Variants in WSB1 observed in about 807,000 individuals in gnomAD.
WSB1 encodes WD repeat and SOCS box-containing protein 1.
WSB1 carries 23 observed loss-of-function variants against 50.2 expected under a neutral mutation model. That is an observed-to-expected ratio of 0.46 (90% CI 0.33 to 0.65). The LOEUF (loss-of-function observed/expected upper bound fraction) is 0.65. Among genes scored for constraint, WSB1 ranks in the 30% least tolerant of loss-of-function variants. The pLI, the probability that WSB1 is intolerant of heterozygous loss-of-function variation, is 0.02. For synonymous variants in WSB1, 179 were observed against 172.0 expected (o/e 1.04, Z -0.32); for missense variants, 492 against 522.3 (o/e 0.94, Z 0.56).
Position 27,303,467 on chromosome 17 carries a change from A to G in WSB1, c.310A>G (p.Ile104Val), listed in dbSNP as rs757605144. Residue 104 changes from isoleucine to valine, a missense_variant, in exon 3 of 9, where the codon ATA (isoleucine) becomes GTA (valine). Coordinates refer to ENST00000262394, the MANE Select transcript of WSB1 (RefSeq NM_015626.10). The stretch of plus-strand genomic sequence containing the variant: ...GAAAAATAAGCCTCGTGAACATATT[A>G]TAGACTGTGGAGATATAGTCTGGAG... ...GQKNKPREHIIDCGDIVWSLA... is the reference protein window; with the variant it reads ...GQKNKPREHIVDCGDIVWSLA... The G allele has an allele frequency of 6.2e-7, 1 of 1,614,182 alleles. No homozygotes were observed. The highest frequency in any genetic ancestry group is 8.5e-7 in the Non-Finnish European group (1 of 1,180,018).
chr17:27,297,840 G>T (rs1393763149), intron 1 of WSB1, among the ~76,000 whole-genome samples: 1 of 152,028 alleles, frequency 6.6e-6, no homozygotes, highest in Non-Finnish European at 1.5e-5. Flanking sequence ...GGGCACGGTG[G>T]CTCATGCGTG....
intron 1 of WSB1, among the ~76,000 whole-genome samples, chr17:27,295,381 G>C (rs144786856): frequency 3.3e-5 from 5 of 152,190 alleles, no homozygotes; most frequent in African/African-American, 9.7e-5. Flanking sequence ...TATTTCTAGA[G>C]AAGGGAAGAG....
At position 27,314,971 on chromosome 17, in the gene WSB1, C is replaced by G. The variant is rs990441045; in HGVS notation, c.*2602C>G. The G allele has an allele frequency of 6.6e-6, 1 of 152,194 alleles. No homozygotes were observed. Among genetic ancestry groups the G allele is most frequent in the Admixed American group, 6.5e-5 (1 of 15,270 alleles). The allele number at this position is 152,194 out of a possible 1,614,324, so 9.4% of individuals were successfully genotyped here. On this transcript the variant is annotated 3_prime_UTR_variant, in exon 9 of 9. Coordinates refer to ENST00000262394, the MANE Select transcript of WSB1 (RefSeq NM_015626.10). ...GTGAGCCACCGAACCTGGCCCAAAA[C>G]AGCATTTTTGGAAGCTACATTCTGT...
chr17:27,311,727 T>A, intron 8 of WSB1, 111 bp downstream of exon 8: 1 of 780,434 alleles, frequency 1.3e-6, no homozygotes, highest in Non-Finnish European at 1.9e-6. Flanking sequence ...CGTCTTCCAG[T>A]TCAAGGAGAT....
intron 1 of WSB1, among the ~76,000 whole-genome samples, chr17:27,295,201 T>G (rs544698579): frequency 2.6e-5 from 4 of 152,204 alleles, no homozygotes; most frequent in Non-Finnish European, 5.9e-5. Context: ...GTAAAATAAC[T>G]GGAACAACGT....
rs747060094 is a variant in WSB1 at position 27,312,322 on chromosome 17, C to G, written c.1219C>G (p.Leu407Val). 28 of 1,614,144 alleles carry G rather than the reference C, an allele frequency of 1.7e-5. No homozygotes were observed. Among genetic ancestry groups the G allele is most frequent in the Non-Finnish European group, 2.3e-5 (27 of 1,180,012 alleles). The change falls in exon 9 of 9, where the codon CTG (leucine) becomes GTG (valine). Residue 407 changes from leucine (L) to valine (V), a missense_variant. By Grantham distance (32) the Leu-to-Val change is conservative (BLOSUM62 1). Transcript: ENST00000262394. The stretch of plus-strand genomic sequence containing the variant: ...GATGCCCACCCAAGAAGTTCAGGAG[C>G]TGCCGATTCCTTCCAAGCTTTTGGA... ...RVMPTQEVQE[L>V]PIPSKLLEFL...
intron 4 of WSB1, among the ~76,000 whole-genome samples, chr17:27,306,429 T>G (rs535649059): frequency 4.6e-5 from 7 of 152,150 alleles, no homozygotes; most frequent in African/African-American, 1.7e-4. Flanking sequence ...TGGCCAGGAT[T>G]GTCTCAAATT....
At chr17:27,301,167 C>T (rs1418795991) in intron 1 of WSB1, among the ~76,000 whole-genome samples, 2 of 152,214 alleles carry the variant, frequency 1.3e-5, no homozygotes, top group Non-Finnish European at 2.9e-5. Context: ...AGCAACCACA[C>T]GCGGCCTATA....
chr17:27,308,260 AG>A, intron 5 of WSB1: 20 of 986,400 alleles, frequency 2.0e-5, no homozygotes, highest in Non-Finnish European at 2.3e-5. Context: ...AGATTGTCTT[AG>A]GATAAACCTC....
chr17:27,306,472 C>G (rs1365158697), intron 4 of WSB1, among the ~76,000 whole-genome samples: 2 of 152,118 alleles, frequency 1.3e-5, no homozygotes, highest in African/African-American at 4.8e-5. Flanking sequence ...GCCTCAGCCT[C>G]TCAAAGTGCT....
intron 1 of WSB1, among the ~76,000 whole-genome samples, chr17:27,298,623 C>T (rs558390267): frequency 1.3e-4 from 20 of 152,058 alleles, no homozygotes; most frequent in African/African-American, 4.8e-4. Flanking sequence ...GAGGCCGAGG[C>T]GGGCGGGTCA....
At chr17:27,305,494 A>C (rs1490921078) in intron 4 of WSB1, among the ~76,000 whole-genome samples, 2 of 152,212 alleles carry the variant, frequency 1.3e-5, no homozygotes, top group African/African-American at 4.8e-5. Flanking sequence ...TGGAGATGCT[A>C]CCTCATTTGA....
rs1470193249 is a variant in WSB1 at position 27,312,670 on chromosome 17, G to A, written c.*301G>A. On this transcript the variant is annotated 3_prime_UTR_variant, in exon 9 of 9. Transcript: ENST00000262394. Reference sequence around the variant, plus strand: ...GACCCTTTTGCTTTTCTGATTTTTAGTTCTGACATGTATATATTGCTTCAG... The same window carrying A: ...GACCCTTTTGCTTTTCTGATTTTTAATTCTGACATGTATATATTGCTTCAG... The A allele has an allele frequency of 3.9e-6, 1 of 255,874 alleles. No individual in the cohort carries two copies. Among genetic ancestry groups the A allele is most frequent in the Non-Finnish European group, 7.5e-6 (1 of 134,114 alleles). The allele number at this position is 255,874 out of a possible 1,614,324, so 15.9% of individuals were successfully genotyped here. A position where few individuals can be genotyped will look rare whatever the true frequency, so the allele number is the denominator to read the frequency against.
At chr17:27,298,679 C>T (rs537796325) in intron 1 of WSB1, among the ~76,000 whole-genome samples, 67 of 152,028 alleles carry the variant, frequency 4.4e-4, no homozygotes, top group African/African-American at 1.4e-3. Flanking sequence ...GGTGAAACCC[C>T]GTCTCTACTA....
At chr17:27,295,605 G>C (rs1257077821) in intron 1 of WSB1, among the ~76,000 whole-genome samples, 1 of 151,356 alleles carries the variant, frequency 6.6e-6, no homozygotes, top group Admixed American at 6.6e-5. Context: ...GAAAAAAAAA[G>C]ATGCAAAGAA....
At chr17:27,300,890 ATT>A (rs34849775) in intron 1 of WSB1, among the ~76,000 whole-genome samples, 6 of 148,030 alleles carry the variant, frequency 4.1e-5, no homozygotes, top group Non-Finnish European at 4.5e-5. Flanking sequence ...ATTTTAGCTT[ATT>A]TTTTTTTTGA....
At chr17:27,297,021 T>C (rs1270841480) in intron 1 of WSB1, among the ~76,000 whole-genome samples, 3 of 152,346 alleles carry the variant, frequency 2.0e-5, no homozygotes, top group African/African-American at 7.2e-5. Flanking sequence ...TTTAACAGAT[T>C]AATGCATTTA....
At chr17:27,308,858 G>A in intron 5 of WSB1, 4 of 1,119,240 alleles carry the variant, frequency 3.6e-6, no homozygotes, top group Non-Finnish European at 4.4e-6. Context: ...TTTATTTTAT[G>A]TTTAGGCTTA....
At chr17:27,304,669 G>A (rs899835089) in intron 3 of WSB1, 111 bp from the exon 4 acceptor site, 32 of 1,060,478 alleles carry the variant, frequency 3.0e-5, no homozygotes, top group Middle Eastern at 3.2e-4. Context: ...CCAAGATTAC[G>A]CCATTGCACT....
Sources: allele counts gnomAD v4.1 joint callset (sites outside exome capture counted in the v4.1 genomes callset), GRCh38; gene constraint gnomAD v4.1.1; transcripts MANE v1.5; gene names NCBI Gene and HGNC (gene_info 2026-07-23, HGNC 2026-07-21).